The following NAV2 variants were observed in gnomAD, a reference collection of about 807,000 sequenced individuals.
NAV2 encodes helicase, APC down-regulated 1.
A neutral mutation model predicts 223.2 loss-of-function variants in NAV2; 54 were observed. The ratio of observed to expected loss-of-function variants is 0.24; its 90% CI spans 0.19 to 0.30. NAV2 has a LOEUF of 0.30. Ranked by LOEUF, NAV2 falls within the 10% of genes least tolerant of loss-of-function variation. The pLI is 1.00. For synonymous variants in NAV2, 1,279 were observed against 1,239.3 expected (o/e 1.03, Z -0.67); for missense variants, 2,806 against 3,147.5 (o/e 0.89, Z 2.60).
rs1192010124 is a variant in NAV2 at position 19,550,347 on chromosome 11, C to T, written c.75+199320C>T. ...GGAATAAGAAGTTAAAGGGAATGCA[C>T]GTTTATTAAGCACATACTGTGTACA... On this transcript the variant is annotated intron_variant, in intron 1 of 37. Transcript: ENST00000360655. Among the ~76,000 whole-genome samples, 5 of 152,168 alleles carry T rather than the reference C, an allele frequency of 3.3e-5. No individual in the cohort carries two copies. The East Asian group carries it at 5.8e-4, about 18-fold the overall frequency.
At chr11:19,639,438 A>G (rs1017937514) in intron 1 of NAV2, among the ~76,000 whole-genome samples, 10 of 152,232 alleles carry the variant, frequency 6.6e-5, no homozygotes, top group Non-Finnish European at 1.3e-4. Context: ...CCCAATAGTT[A>G]TACTTTAGAT....
chr11:19,519,332 C>T (rs1038596403), intron 1 of NAV2, among the ~76,000 whole-genome samples: 3 of 152,158 alleles, frequency 2.0e-5, no homozygotes, highest in South Asian at 2.1e-4. Context: ...CATGGGCTCT[C>T]GTAAGGTGCT....
intron 1 of NAV2, among the ~76,000 whole-genome samples, chr11:19,448,792 G>A (rs919993805): frequency 3.9e-5 from 6 of 152,162 alleles, no homozygotes; most frequent in Admixed American, 6.5e-5. Flanking sequence ...AATGCCATCC[G>A]TTTTCTCTTT....
At chr11:20,020,004 A>T (rs988571709) in intron 11 of NAV2, among the ~76,000 whole-genome samples, 2 of 152,122 alleles carry the variant, frequency 1.3e-5, no homozygotes, top group Non-Finnish European at 2.9e-5. Flanking sequence ...TAAAAAAAAA[A>T]AAAAGTTTTT....
At chr11:19,775,152 T>C (rs1338577851) in intron 1 of NAV2, among the ~76,000 whole-genome samples, 2 of 152,236 alleles carry the variant, frequency 1.3e-5, no homozygotes, top group African/African-American at 4.8e-5. Context: ...AGCTTTATTT[T>C]TGGAAAAATT....
chr11:19,916,110 G>C (rs1369942787), intron 6 of NAV2, among the ~76,000 whole-genome samples: 1 of 152,174 alleles, frequency 6.6e-6, no homozygotes, highest in South Asian at 2.1e-4. Flanking sequence ...CTTTTACACA[G>C]TATATACTTA....
At chr11:20,058,547 A>C (rs892554780) in intron 19 of NAV2, among the ~76,000 whole-genome samples, 8 of 152,254 alleles carry the variant, frequency 5.3e-5, no homozygotes, top group Non-Finnish European at 1.2e-4. Flanking sequence ...ATCATCACTA[A>C]GAGCTAATGC....
intron 1 of NAV2, chr11:19,351,149 A>G: frequency 1.0e-6 from 1 of 987,684 alleles, no homozygotes; most frequent in Non-Finnish European, 1.6e-6. Flanking sequence ...AGGAGGTAGC[A>G]TGGTGGCTTG....
chr11:19,575,593 C>A (rs2045549460), intron 1 of NAV2, among the ~76,000 whole-genome samples: 1 of 152,240 alleles, frequency 6.6e-6, no homozygotes, highest in African/African-American at 2.4e-5. Context: ...TTCTACCCCC[C>A]TATGCAAGTA....
At chr11:20,059,351 C>T (rs1479035788) in intron 19 of NAV2, among the ~76,000 whole-genome samples, 6 of 152,186 alleles carry the variant, frequency 3.9e-5, no homozygotes, top group African/African-American at 7.2e-5. Flanking sequence ...TGTTGATTAA[C>T]GGTGGAAACT....
intron 1 of NAV2, among the ~76,000 whole-genome samples, chr11:19,427,101 C>T (rs563198553): frequency 7.9e-5 from 12 of 152,288 alleles, no homozygotes; most frequent in East Asian, 5.8e-4. Flanking sequence ...CAATGAAAAA[C>T]GACCCATATC....
intron 1 of NAV2, among the ~76,000 whole-genome samples, chr11:19,805,285 T>C (rs2058494005): frequency 6.6e-6 from 1 of 152,242 alleles, no homozygotes; most frequent in African/African-American, 2.4e-5. Flanking sequence ...ATGGCTTCTT[T>C]CTTTTCAGAC....
intron 1 of NAV2, among the ~76,000 whole-genome samples, chr11:19,584,676 T>C (rs1475984324): frequency 6.6e-6 from 1 of 152,220 alleles, no homozygotes; most frequent in Non-Finnish European, 1.5e-5. Flanking sequence ...AGTTTCCATG[T>C]AGTTGAGCAG....
intron 1 of NAV2, among the ~76,000 whole-genome samples, chr11:19,680,536 C>T (rs1348582533): frequency 6.6e-6 from 1 of 152,172 alleles, no homozygotes; most frequent in Non-Finnish European, 1.5e-5. Flanking sequence ...AGGAGGGATG[C>T]GGAACCCCAT....
chr11:19,714,822 A>G (rs372720831), intron 1 of NAV2, among the ~76,000 whole-genome samples: 3 of 152,196 alleles, frequency 2.0e-5, no homozygotes, highest in African/African-American at 4.8e-5. Flanking sequence ...GCAAGGGCCA[A>G]TCAGGTTCTC....
intron 1 of NAV2, among the ~76,000 whole-genome samples, chr11:19,568,414 A>G (rs1220391009): frequency 6.6e-6 from 1 of 152,232 alleles, no homozygotes; most frequent in East Asian, 1.9e-4. Context: ...TCGAGGAAGG[A>G]CATGGAGCAG....
intron 1 of NAV2, among the ~76,000 whole-genome samples, chr11:19,562,679 G>A (rs921717966): frequency 6.6e-6 from 1 of 151,184 alleles, no homozygotes; most frequent in African/African-American, 2.5e-5. Flanking sequence ...AAAGCCTAAT[G>A]CCTCATTGTG....
At chr11:19,902,902 G>A (rs970649727) in intron 6 of NAV2, among the ~76,000 whole-genome samples, 7 of 152,202 alleles carry the variant, frequency 4.6e-5, no homozygotes, top group African/African-American at 7.2e-5. Flanking sequence ...GTGAGCATAT[G>A]TAGCCCATGT....
intron 1 of NAV2, among the ~76,000 whole-genome samples, chr11:19,550,814 C>G (rs2134645857): frequency 6.6e-6 from 1 of 152,336 alleles, no homozygotes; most frequent in Admixed American, 6.5e-5. Flanking sequence ...ATAAAACACG[C>G]CCACCAGTGT....
Sources: allele counts gnomAD v4.1 joint callset (sites outside exome capture counted in the v4.1 genomes callset), GRCh38; gene constraint gnomAD v4.1.1; transcripts MANE v1.5; gene names NCBI Gene and HGNC (gene_info 2026-07-23, HGNC 2026-07-21).